The following FAM3C variants were observed in gnomAD, a reference collection of about 807,000 sequenced individuals.
FAM3C encodes the protein FAM3 metabolism regulating signaling molecule C.
FAM3C carries 15 observed loss-of-function variants against 32.5 expected under a neutral mutation model. The ratio of observed to expected loss-of-function variants is 0.46; its 90% CI spans 0.31 to 0.71. The LOEUF (loss-of-function observed/expected upper bound fraction) is 0.71. Ranked by LOEUF, FAM3C falls within the 30% of genes least tolerant of loss-of-function variation. FAM3C has a pLI of 0.05. For synonymous variants in FAM3C, 75 were observed against 86.1 expected, an observed-to-expected ratio of 0.87 and a Z score of 0.72; for missense variants, 175 against 274.4, an observed-to-expected ratio of 0.64 and a Z score of 2.56.
chr7:121,394,880 G>A (rs1009451661), intron 1 of FAM3C, among the ~76,000 whole-genome samples: 2 of 152,198 alleles, frequency 1.3e-5, no homozygotes, highest in Non-Finnish European at 2.9e-5. Context: ...ATTCAATAGA[G>A]ATCTGCTGGT....
intron 1 of FAM3C, among the ~76,000 whole-genome samples, chr7:121,389,167 GAC>G (rs1794528131): frequency 6.6e-6 from 1 of 152,048 alleles, no homozygotes; most frequent in African/African-American, 2.4e-5. Flanking sequence ...AGCCAAGCCT[GAC>G]AGGCCATACA....
chr7:121,377,698 T>A (rs778391039), intron 3 of FAM3C, among the ~76,000 whole-genome samples: 4 of 152,212 alleles, frequency 2.6e-5, no homozygotes, highest in Non-Finnish European at 5.9e-5. Context: ...GGTAGTGCCA[T>A]CAGATTATAG....
At chr7:121,383,264 G>A (rs185388289) in intron 1 of FAM3C, among the ~76,000 whole-genome samples, 4 of 152,114 alleles carry the variant, frequency 2.6e-5, no homozygotes, top group Non-Finnish European at 4.4e-5. Flanking sequence ...TATCAAGCTT[G>A]TGAATAGAAG....
chr7:121,359,968 T>C (rs1793886622), intron 8 of FAM3C, 75 bp downstream of exon 8: 2 of 680,568 alleles, frequency 2.9e-6, no homozygotes, highest in Admixed American at 5.5e-5. Flanking sequence ...ATGTTACAGA[T>C]TTTTTTTTAA....
chr7:121,366,445 T>A (rs530145602), intron 5 of FAM3C, among the ~76,000 whole-genome samples: 2 of 152,152 alleles, frequency 1.3e-5, no homozygotes, highest in African/African-American at 4.8e-5. Context: ...AGACCAAATA[T>A]TATATACCAC....
At chr7:121,357,321 A>C (rs1228403544) in intron 8 of FAM3C, among the ~76,000 whole-genome samples, 1 of 152,186 alleles carries the variant, frequency 6.6e-6, no homozygotes. Context: ...CAGTGTACGC[A>C]CTTAACTTTC....
rs1368072211 is a variant in FAM3C at position 121,378,801 on chromosome 7, TA to T, written c.118+108del. The T allele has an allele frequency of 1.4e-5, 7 of 514,214 alleles. No individual in the cohort carries two copies. The South Asian group carries it at 1.8e-4, about 14-fold the overall frequency. The allele number at this position is 514,214 out of a possible 1,614,324, so 31.9% of individuals were successfully genotyped here. ...CTAACAAATCATATTTATGGATATA[TA>T]ATAATCACATTTCGTTTTCTAGCAC... is the stretch of plus-strand genomic sequence containing the variant. On this transcript the variant is annotated intron_variant, in intron 3 of 9. Transcript: ENST00000359943.
chr7:121,379,158 TA>T (rs1031886013), intron 2 of FAM3C, 144 bp from the exon 3 acceptor site: 2 of 542,640 alleles, frequency 3.7e-6, no homozygotes, highest in African/African-American at 4.1e-5. Context: ...ATGAGATACA[TA>T]AAAATTATAC....
intron 6 of FAM3C, 71 bp downstream of exon 6, chr7:121,364,059 A>G: frequency 1.0e-6 from 1 of 983,358 alleles, no homozygotes; most frequent in South Asian, 1.3e-5. Flanking sequence ...TGATCCTCTG[A>G]TAGTGCATTT....
intron 7 of FAM3C, among the ~76,000 whole-genome samples, chr7:121,360,473 C>T (rs1205645620): frequency 6.6e-6 from 1 of 152,116 alleles, no homozygotes; most frequent in African/African-American, 2.4e-5. Context: ...TCCTGAAAAC[C>T]TTATTCTGGG....
chr7:121,361,117 C>T (rs890948511), intron 7 of FAM3C, among the ~76,000 whole-genome samples: 3 of 152,116 alleles, frequency 2.0e-5, no homozygotes, highest in Admixed American at 1.3e-4. Context: ...TCAAAATCCA[C>T]AAGGACTTCA....
At chr7:121,370,896 G>A (rs1794132212) in intron 5 of FAM3C, among the ~76,000 whole-genome samples, 1 of 152,186 alleles carries the variant, frequency 6.6e-6, no homozygotes, top group Non-Finnish European at 1.5e-5. Context: ...ACCACATGTG[G>A]CCACTGAACA....
At chr7:121,388,080 CATT>C (rs1271792144) in intron 1 of FAM3C, among the ~76,000 whole-genome samples, 2 of 152,046 alleles carry the variant, frequency 1.3e-5, no homozygotes, top group African/African-American at 2.4e-5. Context: ...GAGCTGCTAT[CATT>C]GTGTTAGAAA....
At chr7:121,395,812 G>A (rs979473573) in intron 1 of FAM3C, among the ~76,000 whole-genome samples, 2 of 152,028 alleles carry the variant, frequency 1.3e-5, no homozygotes, top group African/African-American at 4.8e-5. Flanking sequence ...GCAGGGGCGC[G>A]AGCCACAGCC....
At chr7:121,388,722 T>A (rs1045680166) in intron 1 of FAM3C, among the ~76,000 whole-genome samples, 1 of 152,140 alleles carries the variant, frequency 6.6e-6, no homozygotes, top group Non-Finnish European at 1.5e-5. Flanking sequence ...TTAAGTAGCA[T>A]CATATTGAAA....
chr7:121,353,920 C>G (rs1349835089), intron 8 of FAM3C, among the ~76,000 whole-genome samples: 3 of 152,118 alleles, frequency 2.0e-5, no homozygotes, highest in Non-Finnish European at 4.4e-5. Context: ...GGAGAACTGT[C>G]AAAACTGGGA....
chr7:121,366,672 A>G (rs539048724), intron 5 of FAM3C, among the ~76,000 whole-genome samples: 7 of 152,294 alleles, frequency 4.6e-5, no homozygotes, highest in African/African-American at 1.4e-4. Flanking sequence ...CACTGACTGT[A>G]TAATATAAAT....
intron 3 of FAM3C, among the ~76,000 whole-genome samples, chr7:121,373,995 CAAA>C (rs34141050): frequency 9.3e-6 from 1 of 107,030 alleles, no homozygotes; most frequent in Non-Finnish European, 2.0e-5. Flanking sequence ...GACTCCGTCT[CAAA>C]AAAAAAAAAG....
chr7:121,371,241 G>C (rs1050411152), intron 5 of FAM3C, 59 bp downstream of exon 5: 2 of 1,573,758 alleles, frequency 1.3e-6, no homozygotes, highest in African/African-American at 2.7e-5. Context: ...ATTAAACTCA[G>C]GTTCAATTGG....
Sources: gnomAD v4.1 joint callset for allele counts (sites outside exome capture counted in the v4.1 genomes callset) on GRCh38, gnomAD v4.1.1 for gene constraint, MANE v1.5 for transcripts, NCBI Gene and HGNC (gene_info 2026-07-23, HGNC 2026-07-21) for gene names.